Variants in PRUNE1 observed in about 807,000 individuals in gnomAD.
PRUNE1 encodes the protein exopolyphosphatase PRUNE1.
PRUNE1 carries 25 observed loss-of-function variants against 42.5 expected under a neutral mutation model. The ratio of observed to expected loss-of-function variants is 0.59; its 90% CI spans 0.43 to 0.82. The LOEUF (loss-of-function observed/expected upper bound fraction) is 0.82, where lower values mean the gene tolerates loss of function less well. Ranked by LOEUF, PRUNE1 falls within the 40% of genes least tolerant of loss-of-function variation. PRUNE1 has a pLI of 0.00. For synonymous variants in PRUNE1, 203 were observed against 217.1 expected, an observed-to-expected ratio of 0.93 and a Z score of 0.57; for missense variants, 443 against 539.3, an observed-to-expected ratio of 0.82 and a Z score of 1.77.
intron 1 of PRUNE1, among the ~76,000 whole-genome samples, chr1:151,016,547 G>A (rs1363892265): frequency 6.6e-6 from 1 of 151,928 alleles, no homozygotes; most frequent in Non-Finnish European, 1.5e-5. Context: ...TGTTGCCCAG[G>A]CTGGAGTGCA....
intron 7 of PRUNE1, among the ~76,000 whole-genome samples, chr1:151,032,381 C>T (rs1444282206): frequency 6.6e-6 from 1 of 152,066 alleles, no homozygotes; most frequent in South Asian, 2.1e-4. Flanking sequence ...AAGACCCCAT[C>T]CCTAGTCTAT....
intron 3 of PRUNE1, among the ~76,000 whole-genome samples, chr1:151,022,041 C>G (rs910210547): frequency 2.6e-5 from 4 of 151,422 alleles, no homozygotes; most frequent in Non-Finnish European, 5.9e-5. Flanking sequence ...TCATCATAAC[C>G]TTGAGCTCCT....
chr1:151,017,728 A>AAT lies in PRUNE1; in HGVS notation c.40-75_40-74dup, dbSNP rs961568965. 3.5e-5 allele frequency: 30 copies of AAT among 852,636 alleles called. No individual in the cohort carries two copies. In the African/African-American group the frequency reaches 4.3e-4, roughly 12 times the overall value. The allele number at this position is 852,636 out of a possible 1,614,324, so 52.8% of individuals were successfully genotyped here. Reference sequence around the variant, plus strand: ...GCGACAGAGTGAGACCTGTCTCAAAAATATATATATTATTTAAAAAAAAAA... The same window carrying AAT: ...GCGACAGAGTGAGACCTGTCTCAAAAATATATATATATTATTTAAAAAAAAAA... On this transcript the variant is annotated intron_variant, in intron 1 of 7. Coordinates refer to ENST00000271620, the MANE Select transcript of PRUNE1 (RefSeq NM_021222.3).
At position 151,008,629 on chromosome 1, in the gene PRUNE1, CA is replaced by C. The variant is rs1275237984; in HGVS notation, c.-3del. 1 of 1,614,078 alleles carries C rather than the reference CA, an allele frequency of 6.2e-7. No individual in the cohort carries two copies. Among genetic ancestry groups the C allele is most frequent in the Non-Finnish European group, 8.5e-7 (1 of 1,180,038 alleles). On this transcript the variant is annotated 5_prime_UTR_variant, in exon 1 of 8. Coordinates refer to ENST00000271620, the MANE Select transcript of PRUNE1 (RefSeq NM_021222.3). Reference sequence around the variant, plus strand: ...AGGGGCGACGGCGTACTTTGGGCTTCATCATGGAGGACTACCTGCAGGGTTG... The same window carrying C: ...AGGGGCGACGGCGTACTTTGGGCTTCTCATGGAGGACTACCTGCAGGGTTG...
At chr1:151,026,465 A>G (rs868491477) in intron 5 of PRUNE1, among the ~76,000 whole-genome samples, 4 of 152,102 alleles carry the variant, frequency 2.6e-5, no homozygotes, top group Middle Eastern at 3.2e-3. Flanking sequence ...TCTCAAAAAA[A>G]AACAAAAAGA....
chr1:151,018,481 G>A lies in PRUNE1; in HGVS notation c.147G>A (p.Glu49=). ...AFYLAKTTEA[E]EVFVPVLNIK... ...TTCCTATCTAGACAACTGAGGCTGA[G>A]GAAGTCTTTGTGCCAGTTTTAAATA... The change falls in exon 3 of 8, where the codon GAG becomes GAA. Residue 49 remains glutamate, a synonymous_variant. Coordinates refer to ENST00000271620, the MANE Select transcript of PRUNE1 (RefSeq NM_021222.3). The A allele has an allele frequency of 6.2e-7, 1 of 1,612,150 alleles. No individual in the cohort carries two copies. Among genetic ancestry groups the A allele is most frequent in the Non-Finnish European group, 8.5e-7 (1 of 1,178,342 alleles).
At chr1:151,016,838 G>A (rs1356133332) in intron 1 of PRUNE1, among the ~76,000 whole-genome samples, 1 of 151,260 alleles carries the variant, frequency 6.6e-6, no homozygotes, top group South Asian at 2.1e-4. Context: ...TATTCTCAAA[G>A]CCTCTTCACC....
At chr1:151,027,584 A>T (rs201930993) in intron 6 of PRUNE1, among the ~76,000 whole-genome samples, 8 of 134,994 alleles carry the variant, frequency 5.9e-5, no homozygotes, top group Non-Finnish European at 6.2e-5. Context: ...GTCTTTTTTA[A>T]TTTTTTTTTT....
chr1:151,012,857 C>T (rs1311979458), intron 1 of PRUNE1, among the ~76,000 whole-genome samples: 3 of 151,496 alleles, frequency 2.0e-5, no homozygotes, highest in East Asian at 1.9e-4. Flanking sequence ...CTGCAACCTC[C>T]GCCTCCCGGG....
chr1:151,012,343 G>A lies in PRUNE1; in HGVS notation c.39+3672G>A, dbSNP rs180910153. ...AGAATGATGTCTTATAAGTTGGGCA[G>A]CCCCACACACGGTTTGCCCAGGGCA... is the stretch of plus-strand genomic sequence containing the variant. On this transcript the variant is annotated intron_variant, in intron 1 of 7. Transcript: ENST00000271620. 3.7e-3 allele frequency among the ~76,000 whole-genome samples: 563 copies of A among 152,268 alleles called. 6 individuals carry two copies. The highest frequency in any genetic ancestry group is 0.013 in the African/African-American group (528 of 41,548).
rs746672870 is a variant in PRUNE1, at chr1:151,024,607, A to G, written c.336-4A>G. The G allele has an allele frequency of 1.2e-6, 2 of 1,602,430 alleles. No homozygotes were observed. The highest frequency in any genetic ancestry group is 1.7e-6 in the Non-Finnish European group (2 of 1,169,580). On this transcript the variant is annotated splice_polypyrimidine_tract_variant and splice_region_variant and intron_variant, in intron 3 of 7. Transcript: ENST00000271620. The stretch of plus-strand genomic sequence containing the variant: ...CCTCTTTTCCCATACCCTCCCCTCC[A>G]CAGAAGTGACACAGCCCTAGAGGAG...
Position 151,028,905 on chromosome 1 carries a change from G to A in PRUNE1, c.894G>A (p.Gln298=), listed in dbSNP as rs753668609. The A allele has an allele frequency of 6.2e-7, 1 of 1,613,868 alleles. No individual in the cohort carries two copies. Among genetic ancestry groups the A allele is most frequent in the Non-Finnish European group, 8.5e-7 (1 of 1,179,766 alleles). ...ACACTCACAATGAGCCAGTGCGGCA[G>A]TTGGCTATTTTCTGTCCCCATGTGG... is the stretch of plus-strand genomic sequence containing the variant. ...FFNTHNEPVR[Q]LAIFCPHVAL... Residue 298 remains glutamine, a synonymous_variant, in exon 7 of 8, where the codon CAG becomes CAA. Transcript: ENST00000271620.
chr1:151,031,198 T>G (rs1003621401), intron 7 of PRUNE1, among the ~76,000 whole-genome samples: 10 of 150,324 alleles, frequency 6.7e-5, no homozygotes, highest in African/African-American at 1.2e-4. Flanking sequence ...TGTGTGTTTT[T>G]TTTTTTTTTT....
chr1:151,024,044 G>C (rs587619017), intron 3 of PRUNE1, among the ~76,000 whole-genome samples: 7 of 151,696 alleles, frequency 4.6e-5, no homozygotes, highest in Admixed American at 3.3e-4. Flanking sequence ...AAAATTAGCC[G>C]GGTTTGGTGG....
chr1:151,024,985 A>C (rs1674733394), intron 4 of PRUNE1, among the ~76,000 whole-genome samples, 190 bp downstream of exon 4: 1 of 152,142 alleles, frequency 6.6e-6, no homozygotes, highest in Non-Finnish European at 1.5e-5. Flanking sequence ...TTGTTGGAGA[A>C]AGTAGAAAGG....
chr1:151,015,375 C>T (rs1674043925), intron 1 of PRUNE1, among the ~76,000 whole-genome samples: 1 of 143,464 alleles, frequency 7.0e-6, no homozygotes, highest in African/African-American at 2.6e-5. Context: ...GTGGCTCATG[C>T]CTGTAATCCC....
At chr1:151,011,161 C>A (rs1459307682) in intron 1 of PRUNE1, among the ~76,000 whole-genome samples, 1 of 152,092 alleles carries the variant, frequency 6.6e-6, no homozygotes, top group Non-Finnish European at 1.5e-5. Flanking sequence ...TTCTGTTAAA[C>A]TACAGTTTAA....
chr1:151,022,014 G>A (rs1270760267), intron 3 of PRUNE1, among the ~76,000 whole-genome samples: 1 of 150,850 alleles, frequency 6.6e-6, no homozygotes, highest in Non-Finnish European at 1.5e-5. Context: ...TGTCTCCTAG[G>A]CTAGAGTACA....
intron 1 of PRUNE1, among the ~76,000 whole-genome samples, chr1:151,009,141 G>A (rs1481554535): frequency 6.6e-6 from 1 of 152,130 alleles, no homozygotes; most frequent in Non-Finnish European, 1.5e-5. Context: ...CGGTGCTCAC[G>A]GCCTTATTTC....
Sources: allele counts gnomAD v4.1 joint callset (sites outside exome capture counted in the v4.1 genomes callset), GRCh38; gene constraint gnomAD v4.1.1; transcripts MANE v1.5; gene names NCBI Gene and HGNC (gene_info 2026-07-23, HGNC 2026-07-21).